Variants in ZNF484 observed in about 807,000 individuals in gnomAD.
ZNF484 encodes the protein zinc finger protein 484.
A neutral mutation model predicts 12.9 loss-of-function variants in ZNF484; 11 were observed. That is an observed-to-expected ratio of 0.85 (90% CI 0.54 to 1.41). The LOEUF (loss-of-function observed/expected upper bound fraction) is 1.41. Among genes scored for constraint, ZNF484 ranks in the 40% most tolerant of loss-of-function variants. ZNF484 has a pLI of 0.00. For missense variants in ZNF484, 807 were observed against 1,007.7 expected (o/e 0.80, Z 2.70); for synonymous variants, 289 against 334.1 (o/e 0.86, Z 1.47).
At chr9:92,856,712 A>C (rs897946986) in intron 2 of ZNF484, among the ~76,000 whole-genome samples, 1 of 152,200 alleles carries the variant, frequency 6.6e-6, no homozygotes, top group Non-Finnish European at 1.5e-5. Flanking sequence ...AATACACTAA[A>C]AATCAATACA....
chr9:92,859,624 G>GAACA (rs1451061898), intron 2 of ZNF484, among the ~76,000 whole-genome samples: 3 of 152,166 alleles, frequency 2.0e-5, no homozygotes, highest in Non-Finnish European at 4.4e-5. Context: ...AAGTACCCAA[G>GAACA]AACACCCTCA....
chr9:92,858,047 C>T (rs980139199), intron 2 of ZNF484, among the ~76,000 whole-genome samples: 1 of 151,632 alleles, frequency 6.6e-6, no homozygotes, highest in Non-Finnish European at 1.5e-5. Context: ...ACTTATTATA[C>T]ACAGTGTTTA....
At chr9:92,871,710 G>A (rs575380211) in intron 2 of ZNF484, among the ~76,000 whole-genome samples, 2 of 152,276 alleles carry the variant, frequency 1.3e-5, no homozygotes, top group African/African-American at 4.8e-5. Context: ...TTACCCACAG[G>A]AGAAAAACAA....
At chr9:92,862,391 T>A (rs1291696773) in intron 2 of ZNF484, among the ~76,000 whole-genome samples, 3 of 152,020 alleles carry the variant, frequency 2.0e-5, no homozygotes, top group Non-Finnish European at 2.9e-5. Flanking sequence ...AAGCATAGCA[T>A]GACCCCAAAT....
At chr9:92,860,092 T>C (rs1483454483) in intron 2 of ZNF484, among the ~76,000 whole-genome samples, 3 of 152,194 alleles carry the variant, frequency 2.0e-5, no homozygotes, top group Admixed American at 6.5e-5. Context: ...AGAGCTGATA[T>C]TGCATGGCCA....
chr9:92,847,301 A>C lies in ZNF484; in HGVS notation c.1486T>G (p.Tyr496Asp). 1 of 1,613,944 alleles carries C rather than the reference A, an allele frequency of 6.2e-7. No homozygotes were observed. The highest frequency in any genetic ancestry group is 8.5e-7 in the Non-Finnish European group (1 of 1,179,948). The change falls in exon 5 of 5, where the codon TAT (tyrosine) becomes GAT (aspartate). Residue 496 changes from tyrosine to aspartate, a missense_variant. By Grantham distance (160) the Tyr-to-Asp change is radical. Coordinates refer to ENST00000375495, the MANE Select transcript of ZNF484 (RefSeq NM_031486.4). ...HQKIHTGERPYICTVCGKAFT... is the reference protein window; with the variant it reads ...HQKIHTGERPDICTVCGKAFT... ...GCCTTACCACACACAGTACATATAT[A>C]GGGTCTTTCTCCTGTATGAATTTTC...
At chr9:92,851,659 GA>G (rs1856093274) in intron 4 of ZNF484, among the ~76,000 whole-genome samples, 1 of 152,196 alleles carries the variant, frequency 6.6e-6, no homozygotes, top group East Asian at 1.9e-4. Flanking sequence ...ATCGAAAAGG[GA>G]CTAACACACA....
intron 1 of ZNF484, among the ~76,000 whole-genome samples, chr9:92,877,180 C>T (rs1857868296): frequency 6.6e-6 from 1 of 151,856 alleles, no homozygotes; most frequent in African/African-American, 2.4e-5. Context: ...TAAATGTATC[C>T]CGCATAAAAC....
At chr9:92,874,667 T>C (rs1857687126) in intron 2 of ZNF484, among the ~76,000 whole-genome samples, 1 of 152,172 alleles carries the variant, frequency 6.6e-6, no homozygotes, top group African/African-American at 2.4e-5. Context: ...ATTAACCATC[T>C]GAAGATCTAT....
intron 4 of ZNF484, among the ~76,000 whole-genome samples, chr9:92,851,651 C>T (rs528284314): frequency 5.3e-5 from 8 of 152,178 alleles, no homozygotes; most frequent in Non-Finnish European, 1.2e-4. Flanking sequence ...TTATGGCCAT[C>T]GAAAAGGGAC....
At chr9:92,869,169 T>C (rs1204510139) in intron 2 of ZNF484, among the ~76,000 whole-genome samples, 14 of 152,042 alleles carry the variant, frequency 9.2e-5, no homozygotes, top group Non-Finnish European at 1.9e-4. Context: ...GTTTATATTA[T>C]ATTACTGTTA....
rs1027876619 is a variant in ZNF484, at chr9:92,847,256, G to A, written c.1531C>T (p.Leu511Phe). ...CGKAFTDRSN[L>F]IKHQKIHTGE... ...GTATGAATTTTTTGGTGCTTAATGA[G>A]ATTTGACCTGTCAGTAAAGGCCTTA... is the stretch of plus-strand genomic sequence containing the variant. The change falls in exon 5 of 5, where the codon CTC becomes TTC. Residue 511 changes from leucine to phenylalanine, a missense_variant. Transcript: ENST00000375495. The A allele has an allele frequency of 1.3e-5, 21 of 1,613,906 alleles. No homozygotes were observed. Among genetic ancestry groups the A allele is most frequent in the Admixed American group, 6.7e-5 (4 of 59,988 alleles).
rs146725113 is a variant in ZNF484 at position 92,855,854 on chromosome 9, C to A, written c.192G>T (p.Glu64Asp). 6.2e-6 allele frequency: 10 copies of A among 1,614,152 alleles called. No homozygotes were observed. In the Admixed American group the frequency reaches 1.7e-4, roughly 27 times the overall value. The change falls in exon 4 of 5, where the codon GAG becomes GAT. Residue 64 changes from glutamate (E) to aspartate (D), a missense_variant. By Grantham distance (45) the Glu-to-Asp change is conservative (BLOSUM62 2). Transcript: ENST00000375495. ...GGATCTCACCATCCAACATACATGGCTCTTCTTGTTCCAAGCTGAAGATGA... is the reference window on the plus strand; with the variant it reads ...GGATCTCACCATCCAACATACATGGATCTTCTTGTTCCAAGCTGAAGATGA... Reference protein sequence around the residue: ...PEVIFSLEQEEPCMLDGEIPS... With the variant: ...PEVIFSLEQEDPCMLDGEIPS...
In ZNF484 at chr9:92,848,910, AAAATAAATAAATAAATAAAT is replaced by A. The variant is rs145197582; in HGVS notation, c.236-379_236-360del. On this transcript the variant is annotated intron_variant, in intron 4 of 4. Transcript: ENST00000375495. This position sits in a 1 kb window ranked among gnomAD's most constrained non-coding sequence, Gnocchi z 4.1. ...GGTGACAGAGCAAGACTCTGTCTCC[AAAATAAATAAATAAATAAAT>A]AAATAAATAAATAAATAAATAAATA... 1.4e-3 allele frequency among the ~76,000 whole-genome samples: 203 copies of A among 141,408 alleles called. No homozygotes were observed. Among genetic ancestry groups the A allele is most frequent in the African/African-American group, 5.0e-3 (188 of 37,514 alleles). 92.8% of individuals were successfully genotyped at this position (141,408 alleles called of 152,430 possible).
At chr9:92,868,953 T>C (rs1015594793) in intron 2 of ZNF484, among the ~76,000 whole-genome samples, 4 of 152,162 alleles carry the variant, frequency 2.6e-5, no homozygotes, top group African/African-American at 9.6e-5. Context: ...CTCAAATTCC[T>C]GGCCTCAAGT....
At chr9:92,854,130 A>T (rs965092109) in intron 4 of ZNF484, among the ~76,000 whole-genome samples, 1 of 152,226 alleles carries the variant, frequency 6.6e-6, no homozygotes, top group African/African-American at 2.4e-5. Context: ...CTTAGAAAAC[A>T]TCAGCAGTTG....
In ZNF484 at chr9:92,878,006, G is replaced by A. The variant is rs1357235317; in HGVS notation, c.-147C>T. 3.9e-6 allele frequency: 3 copies of A among 767,914 alleles called. No individual in the cohort carries two copies. The highest frequency in any genetic ancestry group is 3.6e-5 in the South Asian group (2 of 55,010). The allele number at this position is 767,914 out of a possible 1,614,324, so 47.6% of individuals were successfully genotyped here. A position where few individuals can be genotyped will look rare whatever the true frequency, so the allele number is the denominator to read the frequency against. On this transcript the variant is annotated 5_prime_UTR_variant, in exon 1 of 5. Transcript: ENST00000375495. ...TTCTCAATGCCTCCCAGGCCTAGAG[G>A]TACTTCTTACAGCGCTGCCTGGGTT...
chr9:92,856,109 C>G (rs1224074164), intron 3 of ZNF484, 83 bp downstream of exon 3: 1 of 1,566,574 alleles, frequency 6.4e-7, no homozygotes, highest in Middle Eastern at 1.7e-4. Context: ...CCTCAGAAAA[C>G]ACAGACTTCA....
At chr9:92,862,266 G>A (rs181734025) in intron 2 of ZNF484, 8 of 407,462 alleles carry the variant, frequency 2.0e-5, no homozygotes, top group Non-Finnish European at 2.0e-5. Context: ...TACTAAGCAA[G>A]ATGTTGAGAA....
Sources: allele counts gnomAD v4.1 joint callset (sites outside exome capture counted in the v4.1 genomes callset), GRCh38; gene constraint gnomAD v4.1.1; non-coding constraint Gnocchi (gnomAD v3.1); transcripts MANE v1.5; gene names NCBI Gene and HGNC (gene_info 2026-07-23, HGNC 2026-07-21).